Variants in DIAPH3 observed in about 807,000 individuals in gnomAD.
The protein encoded by DIAPH3 is protein diaphanous homolog 3.
Under a neutral mutation model 144.3 loss-of-function variants are expected in DIAPH3, and 117 were observed. That is an observed-to-expected ratio of 0.81 (90% CI 0.70 to 0.95). DIAPH3 has a LOEUF of 0.95. Ranked by LOEUF, DIAPH3 falls within the 40% of genes least tolerant of loss-of-function variation. The pLI is 0.00. For synonymous variants in DIAPH3, 519 were observed against 488.9 expected (o/e 1.06, Z -0.81); for missense variants, 1,421 against 1,412.7 (o/e 1.01, Z -0.09).
intron 27 of DIAPH3, among the ~76,000 whole-genome samples, chr13:59,691,308 CAT>C (rs2033507058): frequency 1.3e-5 from 2 of 152,116 alleles, no homozygotes. Flanking sequence ...TCTGCTTACT[CAT>C]ATCATTAGTC....
At chr13:59,818,798 T>C (rs1490720419) in intron 24 of DIAPH3, among the ~76,000 whole-genome samples, 2 of 151,930 alleles carry the variant, frequency 1.3e-5, no homozygotes, top group African/African-American at 4.8e-5. Context: ...ACCATTTCTT[T>C]CCTTAAGTGA....
At chr13:59,667,685 T>C (rs2032101864) in intron 27 of DIAPH3, among the ~76,000 whole-genome samples, 1 of 152,200 alleles carries the variant, frequency 6.6e-6, no homozygotes, top group Admixed American at 6.5e-5. Flanking sequence ...ACATACATTC[T>C]TTTATTGGTA....
chr13:60,048,136 C>T (rs1397641231), intron 4 of DIAPH3, among the ~76,000 whole-genome samples: 4 of 152,160 alleles, frequency 2.6e-5, no homozygotes, highest in Non-Finnish European at 5.9e-5. Context: ...TTATAGTGAG[C>T]AGTAATAGGC....
chr13:60,030,337 G>A (rs2054698412), intron 5 of DIAPH3, among the ~76,000 whole-genome samples: 1 of 151,922 alleles, frequency 6.6e-6, no homozygotes. Context: ...GAACTTAAGA[G>A]CTTTATTCTT....
chr13:59,983,699 C>T, intron 13 of DIAPH3, 70 bp downstream of exon 13: 2 of 1,072,702 alleles, frequency 1.9e-6, no homozygotes, highest in South Asian at 1.3e-5. Flanking sequence ...AACCCGAGAA[C>T]CAATGCCCTA....
chr13:59,977,660 G>C (rs1440033036), intron 14 of DIAPH3, among the ~76,000 whole-genome samples: 1 of 151,612 alleles, frequency 6.6e-6, no homozygotes, highest in African/African-American at 2.4e-5. Flanking sequence ...GTGGAGGAGA[G>C]GGTAATGACA....
chr13:59,876,299 T>C (rs1021030537), intron 21 of DIAPH3, among the ~76,000 whole-genome samples: 1 of 152,164 alleles, frequency 6.6e-6, no homozygotes, highest in East Asian at 1.9e-4. Context: ...TGTAGGCTAA[T>C]AAAAAACATG....
intron 22 of DIAPH3, among the ~76,000 whole-genome samples, chr13:59,847,420 T>C (rs1029403605): frequency 6.6e-6 from 1 of 152,080 alleles, no homozygotes; most frequent in Non-Finnish European, 1.5e-5. Context: ...TTTCATCCCC[T>C]GAAAGAAAGA....
At chr13:59,892,182 AGATAGAGAAT>A (rs1219031393) in intron 20 of DIAPH3, among the ~76,000 whole-genome samples, 1 of 151,966 alleles carries the variant, frequency 6.6e-6, no homozygotes, top group Non-Finnish European at 1.5e-5. Context: ...AGGGTAACAT[AGATAGAGAAT>A]GATGGGGGGC....
chr13:59,686,682 G>C (rs541948911), intron 27 of DIAPH3, among the ~76,000 whole-genome samples: 1 of 152,132 alleles, frequency 6.6e-6, no homozygotes, highest in East Asian at 1.9e-4. Flanking sequence ...TCGGGCTAGG[G>C]GTATAGAAAG....
In DIAPH3 at chr13:59,810,861, T is replaced by A. The variant is rs201316058; in HGVS notation, c.3090A>T (p.Ile1030=). Residue 1030 remains isoleucine, a synonymous_variant, in exon 25 of 28, where the codon ATA becomes ATT. Transcript: ENST00000400324. ...TTTCTCGCTCTGCTAATTCTTTAGC[T>A]ATTCTGACACGTTTTTCTTTTTCCT... ...EAEEKEKRVR[I]AKELAERERL... 6.2e-7 allele frequency: 1 copy of A among 1,613,386 alleles called. No homozygotes were observed. Among genetic ancestry groups the A allele is most frequent in the African/African-American group, 1.3e-5 (1 of 75,028 alleles).
chr13:59,712,701 A>G (rs1185619321), intron 27 of DIAPH3, among the ~76,000 whole-genome samples: 1 of 152,102 alleles, frequency 6.6e-6, no homozygotes, highest in Non-Finnish European at 1.5e-5. Flanking sequence ...CCCCCATTTT[A>G]CTTTCTTAAA....
At chr13:60,018,587 T>G (rs369405) in intron 5 of DIAPH3, among the ~76,000 whole-genome samples, 2 of 152,176 alleles carry the variant, frequency 1.3e-5, no homozygotes, top group Non-Finnish European at 2.9e-5. Context: ...CAAATAGAAT[T>G]TATGCCTACT....
chr13:60,048,604 G>A (rs139304589), intron 4 of DIAPH3, among the ~76,000 whole-genome samples: 1 of 150,630 alleles, frequency 6.6e-6, no homozygotes, highest in East Asian at 2.0e-4. Flanking sequence ...TATCACCCTG[G>A]AAGATGTTTG....
intron 5 of DIAPH3, among the ~76,000 whole-genome samples, chr13:60,038,517 C>T (rs898618880): frequency 2.0e-5 from 3 of 152,026 alleles, no homozygotes; most frequent in African/African-American, 7.2e-5. Flanking sequence ...AAAAACGACA[C>T]TTATTAAATG....
At chr13:59,823,890 T>C (rs1183234417) in intron 24 of DIAPH3, among the ~76,000 whole-genome samples, 1 of 152,196 alleles carries the variant, frequency 6.6e-6, no homozygotes, top group Non-Finnish European at 1.5e-5. Context: ...ACTACTTTAG[T>C]CGGAGAATTC....
chr13:59,871,327 A>G (rs534800756), intron 21 of DIAPH3, among the ~76,000 whole-genome samples: 4 of 152,130 alleles, frequency 2.6e-5, no homozygotes, highest in Admixed American at 1.3e-4. Context: ...CTTCCAACAC[A>G]ATGTTCAAGA....
chr13:60,104,012 C>T (rs1011664195), intron 3 of DIAPH3, among the ~76,000 whole-genome samples: 1 of 151,960 alleles, frequency 6.6e-6, no homozygotes, highest in African/African-American at 2.4e-5. Flanking sequence ...GGTCATTATA[C>T]ACTGTTGAAC....
intron 22 of DIAPH3, among the ~76,000 whole-genome samples, chr13:59,845,605 C>T (rs887125709): frequency 6.6e-6 from 1 of 152,138 alleles, no homozygotes; most frequent in African/African-American, 2.4e-5. Context: ...CTTATAGTTC[C>T]CCTGCCCATA....
Sources: allele counts gnomAD v4.1 joint callset (sites outside exome capture counted in the v4.1 genomes callset), GRCh38; gene constraint gnomAD v4.1.1; transcripts MANE v1.5; gene names NCBI Gene and HGNC (gene_info 2026-07-23, HGNC 2026-07-21).